The following BCLAF3 variants were observed in gnomAD, a reference collection of about 807,000 sequenced individuals.
The protein encoded by BCLAF3 is transient octamer binding factor 1.
In BCLAF3, 24 loss-of-function variants were observed where a neutral mutation model predicts 51.2. That is an observed-to-expected ratio of 0.47 (90% CI 0.34 to 0.66). The LOEUF (loss-of-function observed/expected upper bound fraction) is 0.66. BCLAF3 is among the 30% of genes least tolerant of loss of function. The probability of loss-of-function intolerance (pLI) is 0.01; values close to 1 mark genes in which losing one functional copy is unlikely to be tolerated. For missense variants in BCLAF3, 465 were observed against 525.1 expected, an observed-to-expected ratio of 0.89 and a Z score of 1.12; for synonymous variants, 152 against 176.6, an observed-to-expected ratio of 0.86 and a Z score of 1.10.
chrX:19,941,729 A>G (rs12689713), intron 8 of BCLAF3, among the ~76,000 whole-genome samples: 1,619 of 105,763 alleles, frequency 0.015, 52 homozygotes, highest in African/African-American at 0.053. Context: ...TTGTTCTTTT[A>G]GCTTAGGATT....
intron 11 of BCLAF3, among the ~76,000 whole-genome samples, chrX:19,917,558 G>T (rs2069974070): frequency 1.8e-5 from 2 of 111,784 alleles, no homozygotes; most frequent in African/African-American, 6.5e-5. Context: ...AACATGTGGT[G>T]CTAGATAACA....
At chrX:19,937,269 G>A (rs1157238573) in intron 9 of BCLAF3, 149 bp downstream of exon 9, 1 of 468,484 alleles carries the variant, frequency 2.1e-6, no homozygotes, top group Non-Finnish European at 3.8e-6. Flanking sequence ...CATTTCTTCT[G>A]TCATAATAAC....
intron 1 of BCLAF3, among the ~76,000 whole-genome samples, chrX:19,987,169 T>C (rs754792085): frequency 4.5e-4 from 50 of 111,434 alleles, no homozygotes; most frequent in Non-Finnish European, 7.7e-4. Flanking sequence ...AGTAGAATGA[T>C]AGTCATAGCA....
chrX:19,928,716 ATATATACAATGGAATACCATTCAGCCT>A (rs772523739), intron 11 of BCLAF3, among the ~76,000 whole-genome samples: 1,349 of 112,282 alleles, frequency 0.012, 16 homozygotes, highest in Middle Eastern at 0.042. Flanking sequence ...GAAAATGCAT[ATATATACAATGGAATACCATTCAGCCT>A]TAAAAAGAAG....
intron 8 of BCLAF3, among the ~76,000 whole-genome samples, chrX:19,948,014 G>A (rs1375308776): frequency 8.9e-6 from 1 of 112,179 alleles, no homozygotes; most frequent in Non-Finnish European, 1.9e-5. Context: ...ATTTAAATAA[G>A]GAAACTGAAT....
At chrX:19,950,607 T>C in intron 8 of BCLAF3, 146 bp downstream of exon 8, 1 of 414,232 alleles carries the variant, frequency 2.4e-6, no homozygotes, top group Non-Finnish European at 4.1e-6. Context: ...TGGAAACATT[T>C]TAATAGATTT....
chrX:19,966,416 A>C lies in BCLAF3; in HGVS notation c.275T>G (p.Met92Arg), dbSNP rs2072058112. Residue 92 changes from methionine to arginine, a missense_variant, in exon 3 of 12, where the codon ATG (methionine) becomes AGG (arginine). Met to Arg is a moderately conservative substitution (Grantham distance 91, BLOSUM62 -1). Coordinates refer to ENST00000379682, the MANE Select transcript of BCLAF3 (RefSeq NM_001367774.2). The part of the protein sequence containing the change: ...NIRNSLENVY[M>R]YKPHRGYSPG... ...CGAATATCCTCTGTGAGGCTTATAC[A>C]TATAAACATTTTCTAAAGAGTTTCT... 1 of 1,209,754 alleles carries C rather than the reference A, an allele frequency of 8.3e-7. No homozygotes were observed. Among genetic ancestry groups the C allele is most frequent in the Non-Finnish European group, 1.1e-6 (1 of 895,142 alleles).
chrX:19,967,245 T>A (rs1277053770), intron 2 of BCLAF3, among the ~76,000 whole-genome samples: 3 of 111,769 alleles, frequency 2.7e-5, no homozygotes, highest in African/African-American at 9.8e-5. Context: ...ACAAAACATA[T>A]GTACTTAACC....
intron 6 of BCLAF3, 48 bp downstream of exon 6, chrX:19,953,730 G>A (rs184938263): frequency 5.1e-5 from 52 of 1,022,348 alleles, no homozygotes; most frequent in Non-Finnish European, 7.0e-5. Context: ...CTTTTCTGAG[G>A]TATATCCCCA....
chrX:19,946,485 T>C (rs770414232), intron 8 of BCLAF3, among the ~76,000 whole-genome samples: 2 of 111,749 alleles, frequency 1.8e-5, no homozygotes, highest in South Asian at 7.5e-4. Context: ...CTAATCTTTT[T>C]TTTTCACTTG....
rs192630405 is a variant in BCLAF3, at chrX:19,990,018, T to C, written c.-35+890A>G. 6.0e-3 allele frequency among the ~76,000 whole-genome samples: 669 copies of C among 110,621 alleles called. 6 individuals are homozygous for C. Among genetic ancestry groups the C allele is most frequent in the African/African-American group, 0.021 (648 of 30,428 alleles). ...CGTTATGAATCTGCAGCAAAACCTT[T>C]CTTTTCAAATTCTGCTCTGTCGTTT... On this transcript the variant is annotated intron_variant, in intron 1 of 11. Transcript: ENST00000379682.
chrX:19,974,796 C>A (rs1182249701), intron 1 of BCLAF3, among the ~76,000 whole-genome samples: 1 of 110,664 alleles, frequency 9.0e-6, no homozygotes, highest in Non-Finnish European at 1.9e-5. Flanking sequence ...GCAGGAGAAT[C>A]GCTTGAACCC....
At chrX:19,961,642 G>A (rs2071861189) in intron 4 of BCLAF3, among the ~76,000 whole-genome samples, 1 of 112,185 alleles carries the variant, frequency 8.9e-6, no homozygotes, top group South Asian at 3.7e-4. Flanking sequence ...TAATTCTACT[G>A]AGGGCATTAT....
chrX:19,954,983 C>T (rs1469900541), intron 5 of BCLAF3, among the ~76,000 whole-genome samples: 2 of 112,268 alleles, frequency 1.8e-5, no homozygotes, highest in East Asian at 5.6e-4. Flanking sequence ...ATACAAAGTC[C>T]TAGTAATGCC....
chrX:19,980,165 G>A (rs1250342964), intron 1 of BCLAF3, among the ~76,000 whole-genome samples: 1 of 111,739 alleles, frequency 8.9e-6, no homozygotes, highest in African/African-American at 3.3e-5. Context: ...AGGTACCTTG[G>A]AAAATTAATC....
chrX:19,923,956 C>T (rs1403316990), intron 11 of BCLAF3, among the ~76,000 whole-genome samples: 1 of 109,514 alleles, frequency 9.1e-6, no homozygotes, highest in African/African-American at 3.3e-5. Flanking sequence ...AATCTCATGC[C>T]TCAGCCTCCT....
chrX:19,920,451 T>C (rs2070108363), intron 11 of BCLAF3, among the ~76,000 whole-genome samples: 1 of 111,441 alleles, frequency 9.0e-6, no homozygotes. Flanking sequence ...TGTGTGTGTG[T>C]GCATGAATAA....
intron 1 of BCLAF3, chrX:19,985,055 T>C (rs2072752656): frequency 8.9e-6 from 1 of 111,835 alleles, no homozygotes; most frequent in East Asian, 2.8e-4. Flanking sequence ...CTTTTTTATG[T>C]TTTTAAGGCT....
chrX:19,950,884 A>G lies in BCLAF3; in HGVS notation c.1630-16T>C. 9.1e-7 allele frequency: 1 copy of G among 1,101,302 alleles called. No homozygotes were observed. Among genetic ancestry groups the G allele is most frequent in the Non-Finnish European group, 1.3e-6 (1 of 795,931 alleles). The allele number at this position is 1,101,302 out of a possible 1,213,427, so 90.8% of individuals were successfully genotyped here. ...TGATCAGAGTCTGAGGAATTTTGAC[A>G]GAAGACAAACCATTCACATTACTTT... is the stretch of plus-strand genomic sequence containing the variant. On this transcript the variant is annotated splice_polypyrimidine_tract_variant and intron_variant, in intron 7 of 11. Transcript: ENST00000379682.
Sources: gnomAD v4.1 joint callset for allele counts (sites outside exome capture counted in the v4.1 genomes callset) on GRCh38, gnomAD v4.1.1 for gene constraint, MANE v1.5 for transcripts, NCBI Gene and HGNC (gene_info 2026-07-23, HGNC 2026-07-21) for gene names.